The following NRDC variants were observed in gnomAD, a reference collection of about 807,000 sequenced individuals.
NRDC encodes the protein nardilysin convertase.
A neutral mutation model predicts 147.1 loss-of-function variants in NRDC; 54 were observed. That is an observed-to-expected ratio of 0.37 (90% confidence interval 0.29 to 0.46). The LOEUF (loss-of-function observed/expected upper bound fraction) is 0.46, where lower values mean the gene tolerates loss of function less well. Among genes scored for constraint, NRDC ranks in the 20% least tolerant of loss-of-function variants. NRDC has a pLI of 1.00. For synonymous variants in NRDC, 440 were observed against 482.1 expected, an observed-to-expected ratio of 0.91 and a Z score of 1.14; for missense variants, 1,082 against 1,370.6, an observed-to-expected ratio of 0.79 and a Z score of 3.33.
At chr1:51,795,522 G>T (rs1678858525) in intron 22 of NRDC, 1 of 189,528 alleles carries the variant, frequency 5.3e-6, no homozygotes, top group Admixed American at 5.3e-5. Flanking sequence ...AAGATAGAGA[G>T]AAAGGGGAGG....
At chr1:51,837,565 T>A (rs201034734) in intron 2 of NRDC, 29 of 1,596,312 alleles carry the variant, frequency 1.8e-5, no homozygotes, top group Admixed American at 8.4e-5. Flanking sequence ...ATAAGTTGAC[T>A]TAAACCACAG....
intron 1 of NRDC, among the ~76,000 whole-genome samples, chr1:51,867,526 A>C (rs977048837): frequency 7.2e-5 from 11 of 152,216 alleles, no homozygotes; most frequent in African/African-American, 2.7e-4. Flanking sequence ...AAGTCTGAAA[A>C]TTGAGCCCTA....
chr1:51,796,647 G>A (rs533194802), intron 22 of NRDC, among the ~76,000 whole-genome samples: 1 of 151,418 alleles, frequency 6.6e-6, no homozygotes, highest in African/African-American at 2.4e-5. Flanking sequence ...GAGTGCAGTG[G>A]CACAGTCTCA....
intron 18 of NRDC, 139 bp from the exon 19 acceptor site, chr1:51,805,700 T>C: frequency 1.7e-6 from 1 of 583,578 alleles, no homozygotes; most frequent in Non-Finnish European, 3.0e-6. Context: ...ATCTTTATTC[T>C]TAAGGGTCTT....
chr1:51,857,981 G>A (rs1032938840), intron 1 of NRDC, among the ~76,000 whole-genome samples: 1 of 152,110 alleles, frequency 6.6e-6, no homozygotes, highest in Admixed American at 6.6e-5. Context: ...AAGGTAGAAT[G>A]TATAAATATT....
chr1:51,835,856 C>T (rs1383187466), intron 3 of NRDC, among the ~76,000 whole-genome samples: 5 of 152,172 alleles, frequency 3.3e-5, no homozygotes, highest in Non-Finnish European at 7.3e-5. Context: ...TAGAAAATGG[C>T]AATCATCTCC....
At chr1:51,836,505 C>A in intron 2 of NRDC, 1 of 1,322,454 alleles carries the variant, frequency 7.6e-7, no homozygotes. Flanking sequence ...ACCCAAATAT[C>A]ATTTCATGTC....
chr1:51,825,695 A>G (rs574048076), intron 5 of NRDC, among the ~76,000 whole-genome samples: 5 of 152,350 alleles, frequency 3.3e-5, no homozygotes, highest in Non-Finnish European at 7.4e-5. Context: ...TGAAAATGCT[A>G]ATAAAATATT....
chr1:51,823,789 A>G lies in NRDC; in HGVS notation c.1037-3T>C, dbSNP rs1338259123. On this transcript the variant is annotated splice_region_variant and splice_polypyrimidine_tract_variant and intron_variant, in intron 6 of 30. Transcript: ENST00000352171. Reference sequence around the variant, plus strand: ...ATGCTTGAGCGTCTCAGCATTTCCTATAAAAGAATGAAAAAAATTATAGAT... The same window carrying G: ...ATGCTTGAGCGTCTCAGCATTTCCTGTAAAAGAATGAAAAAAATTATAGAT... The G allele has an allele frequency of 1.9e-6, 3 of 1,581,128 alleles. No homozygotes were observed. Among genetic ancestry groups the G allele is most frequent in the South Asian group, 2.4e-5 (2 of 84,994 alleles).
At chr1:51,874,714 C>T (rs920892024) in intron 1 of NRDC, among the ~76,000 whole-genome samples, 1 of 152,202 alleles carries the variant, frequency 6.6e-6, no homozygotes, top group African/African-American at 2.4e-5. Context: ...CAATTCCCAA[C>T]CTGAAGTCCC....
chr1:51,831,486 G>A (rs1680705834), intron 4 of NRDC, among the ~76,000 whole-genome samples: 1 of 152,050 alleles, frequency 6.6e-6, no homozygotes, highest in Non-Finnish European at 1.5e-5. Flanking sequence ...AAGTTGTATG[G>A]TTAAAGTCTC....
chr1:51,823,449 G>T (rs1157376295), intron 7 of NRDC, among the ~76,000 whole-genome samples: 7 of 152,092 alleles, frequency 4.6e-5, no homozygotes, highest in Non-Finnish European at 8.8e-5. Flanking sequence ...ACCTATTTCT[G>T]TAAGAGAAAA....
At chr1:51,802,463 T>TA (rs1394775119) in intron 20 of NRDC, among the ~76,000 whole-genome samples, 1 of 152,222 alleles carries the variant, frequency 6.6e-6, no homozygotes, top group African/African-American at 2.4e-5. Context: ...GTATTTTTAA[T>TA]AAGCTCTCCA....
At chr1:51,835,467 GTTTTTTTTT>G (rs951683379) in intron 3 of NRDC, among the ~76,000 whole-genome samples, 19 of 114,610 alleles carry the variant, frequency 1.7e-4, no homozygotes, top group African/African-American at 6.7e-4. Flanking sequence ...TTTGTTTCTT[GTTTTTTTTT>G]TTTTTTTTTT....
chr1:51,798,360 C>T lies in NRDC; in HGVS notation c.2493G>A (p.Lys831=). Residue 831 remains lysine (K), a synonymous_variant, in exon 22 of 31, where the codon AAG becomes AAA. Coordinates refer to ENST00000352171, the MANE Select transcript of NRDC (RefSeq NM_001101662.2). ...AAAGGCCGTCCATCAAAGCCTGGTA[C>T]TTGTCAATCATAGACCAACGGGCAT... The part of the protein sequence containing the change: ...LEYARWSMID[K]YQALMDGLSL... The T allele has an allele frequency of 6.2e-7, 1 of 1,613,996 alleles. No homozygotes were observed. The highest frequency in any genetic ancestry group is 2.2e-5 in the East Asian group (1 of 44,884).
At chr1:51,847,333 C>G (rs1165845371) in intron 1 of NRDC, among the ~76,000 whole-genome samples, 1 of 152,268 alleles carries the variant, frequency 6.6e-6, no homozygotes, top group East Asian at 1.9e-4. Flanking sequence ...GATCCAGCAC[C>G]GGGCCAGCAG....
At chr1:51,790,397 A>C in intron 29 of NRDC, 136 bp downstream of exon 29, 1 of 689,180 alleles carries the variant, frequency 1.5e-6, no homozygotes. Context: ...AAACTCAGGA[A>C]GTGAGCGAGT....
intron 1 of NRDC, among the ~76,000 whole-genome samples, chr1:51,872,254 T>A (rs969281341): frequency 2.6e-5 from 4 of 152,204 alleles, no homozygotes; most frequent in Non-Finnish European, 5.9e-5. Context: ...CCCAAAGTGC[T>A]AGGATTACAG....
chr1:51,851,735 C>T (rs1318813991), intron 1 of NRDC, among the ~76,000 whole-genome samples: 1 of 152,022 alleles, frequency 6.6e-6, no homozygotes, highest in Non-Finnish European at 1.5e-5. Flanking sequence ...TTACAAAGGA[C>T]ACTTAATAGT....
Sources: allele counts gnomAD v4.1 joint callset (sites outside exome capture counted in the v4.1 genomes callset), GRCh38; gene constraint gnomAD v4.1.1; transcripts MANE v1.5; gene names NCBI Gene and HGNC (gene_info 2026-07-23, HGNC 2026-07-21).